Variants in SPAG1 observed in about 807,000 individuals in gnomAD.
SPAG1 encodes sperm associated antigen 1.
In SPAG1, 69 loss-of-function variants were observed where a neutral mutation model predicts 100.5. That is an observed-to-expected ratio of 0.69 (90% CI 0.57 to 0.84). The LOEUF (loss-of-function observed/expected upper bound fraction) is 0.84, where lower values mean the gene tolerates loss of function less well. Ranked by LOEUF, SPAG1 falls within the 40% of genes least tolerant of loss-of-function variation. The pLI, the probability that SPAG1 is intolerant of heterozygous loss-of-function variation, is 0.00. For missense variants in SPAG1, 955 were observed against 1,133.1 expected, an observed-to-expected ratio of 0.84 and a Z score of 2.26; for synonymous variants, 336 against 411.6, an observed-to-expected ratio of 0.82 and a Z score of 2.22.
At chr8:100,182,908 G>A (rs981448089) in intron 4 of SPAG1, among the ~76,000 whole-genome samples, 2 of 151,926 alleles carry the variant, frequency 1.3e-5, no homozygotes, top group African/African-American at 4.8e-5. Flanking sequence ...GTTAATAACT[G>A]TAATACTGAA....
intron 10 of SPAG1, among the ~76,000 whole-genome samples, chr8:100,207,753 AC>A (rs1372911532): frequency 3.3e-5 from 5 of 152,164 alleles, no homozygotes; most frequent in Non-Finnish European, 5.9e-5. Flanking sequence ...ATTGCCTTTG[AC>A]CAAGGCACTC....
In SPAG1 at chr8:100,231,200, G is replaced by C; in HGVS notation, c.1900G>C (p.Val634Leu). ...CCTTAAGGAAGAAGGAAATCAATGT[G>C]TAAATGACAAAAACTATAAAGACGC... ...KALKEEGNQC[V>L]NDKNYKDALS... is the part of the protein sequence containing the mutation. Residue 634 changes from valine (V) to leucine (L), a missense_variant, in exon 15 of 19, where the codon GTA becomes CTA. By Grantham distance (32) the Val-to-Leu change is conservative. Transcript: ENST00000388798. The C allele has an allele frequency of 6.2e-7, 1 of 1,607,666 alleles. No homozygotes were observed. Among genetic ancestry groups the C allele is most frequent in the Non-Finnish European group, 8.5e-7 (1 of 1,175,872 alleles).
chr8:100,162,568 T>C (rs997616348), intron 2 of SPAG1, 148 bp downstream of exon 2: 2 of 628,152 alleles, frequency 3.2e-6, no homozygotes, highest in Middle Eastern at 4.3e-4. Context: ...CTATGGTTAG[T>C]TTGGAGAGTT....
chr8:100,213,840 TA>T lies in SPAG1; in HGVS notation c.1459del (p.Ser487ValfsTer12). ...EPAGSEIADDLSILYSNRAAC... is the reference protein window; with the variant it reads ...EPAGSEIADDXSILYSNRAAC... Reference sequence around the variant, plus strand: ...TTAGGAAGTGAAATTGCAGATGATCTAAGTATCTTATATTCAAATAGAGCAG... The same window carrying T: ...TTAGGAAGTGAAATTGCAGATGATCTAGTATCTTATATTCAAATAGAGCAG... On this transcript the variant is annotated frameshift_variant, in exon 12 of 19. Transcript: ENST00000388798. LOFTEE classifies it high-confidence loss of function. The T allele has an allele frequency of 6.3e-7, 1 of 1,593,472 alleles. No individual in the cohort carries two copies. The highest frequency in any genetic ancestry group is 8.6e-7 in the Non-Finnish European group (1 of 1,164,024).
rs116390717 is a variant in SPAG1, at chr8:100,172,166, G to A, written c.301-5650G>A. On this transcript the variant is annotated intron_variant, in intron 3 of 18. Transcript: ENST00000388798. ...TTGTTGTTTACCTTTTAAATGTTGT[G>A]TGTGGTGTTTTTTATTTTTTTAAAT... 6.5e-3 allele frequency among the ~76,000 whole-genome samples: 995 copies of A among 152,148 alleles called. 6 individuals are homozygous for A. The highest frequency in any genetic ancestry group is 0.023 in the African/African-American group (936 of 41,524).
chr8:100,190,228 G>A (rs1165181592), intron 8 of SPAG1, among the ~76,000 whole-genome samples: 8 of 151,100 alleles, frequency 5.3e-5, no homozygotes, highest in Admixed American at 2.0e-4. Flanking sequence ...CAGGAGAATC[G>A]CTTGAACCCG....
chr8:100,240,593 C>G lies in SPAG1; in HGVS notation c.2471C>G (p.Ala824Gly). The part of the protein sequence containing the change: ...NALSTRKDKE[A>G]CAHLLAITAP... ...CTCAGTACCAGGAAGGATAAAGAAG[C>G]CTGTGCACATCTTTTAGCCATCACT... is the stretch of plus-strand genomic sequence containing the variant. Residue 824 changes from alanine (A) to glycine (G), a missense_variant, in exon 18 of 19, where the codon GCC becomes GGC. Coordinates refer to ENST00000388798, the MANE Select transcript of SPAG1 (RefSeq NM_003114.5). The G allele has an allele frequency of 3.1e-6, 5 of 1,614,074 alleles. No individual in the cohort carries two copies. The highest frequency in any genetic ancestry group is 3.4e-6 in the Non-Finnish European group (4 of 1,179,966).
intron 7 of SPAG1, 21 bp from the exon 8 acceptor site, chr8:100,187,099 C>A: frequency 6.3e-7 from 1 of 1,594,244 alleles, no homozygotes; most frequent in South Asian, 1.1e-5. Context: ...TGCTTGTTGC[C>A]AGTAACTGTT....
In SPAG1 at chr8:100,161,861, T is replaced by A. The variant is rs2453648; in HGVS notation, c.-2-418T>A. Among the ~76,000 whole-genome samples the A allele has an allele frequency of 2.6e-5, 4 of 152,226 alleles. 1 individual carries two copies. Among genetic ancestry groups the A allele is most frequent in the African/African-American group, 4.8e-5 (2 of 41,542 alleles). ...GCACGCTTACACATGGACATATGGC[T>A]TAGAAGGTATATAAGCTCTGGAAAA... On this transcript the variant is annotated intron_variant, in intron 1 of 18. Coordinates refer to ENST00000388798, the MANE Select transcript of SPAG1 (RefSeq NM_003114.5).
At chr8:100,175,882 T>C (rs1816092268) in intron 3 of SPAG1, among the ~76,000 whole-genome samples, 1 of 152,214 alleles carries the variant, frequency 6.6e-6, no homozygotes, top group African/African-American at 2.4e-5. Flanking sequence ...GCAGCTGATA[T>C]CTATCTTTTC....
intron 10 of SPAG1, among the ~76,000 whole-genome samples, chr8:100,205,690 G>T (rs956996295): frequency 6.6e-6 from 1 of 152,066 alleles, no homozygotes; most frequent in African/African-American, 2.4e-5. Flanking sequence ...GGACTGCAGA[G>T]ATTAGTGCCA....
At chr8:100,227,187 T>G (rs1413198033) in intron 14 of SPAG1, among the ~76,000 whole-genome samples, 3 of 152,264 alleles carry the variant, frequency 2.0e-5, no homozygotes, top group Admixed American at 6.5e-5. Context: ...GGCTGTGTAA[T>G]GCAGGTGCTT....
intron 3 of SPAG1, among the ~76,000 whole-genome samples, chr8:100,174,939 T>A (rs1309544532): frequency 6.6e-6 from 1 of 151,774 alleles, no homozygotes; most frequent in African/African-American, 2.4e-5. Context: ...TCTGGACAGT[T>A]TTTTTCTAGC....
chr8:100,240,193 A>G (rs560485857), intron 17 of SPAG1, among the ~76,000 whole-genome samples: 79 of 152,336 alleles, frequency 5.2e-4, no homozygotes, highest in African/African-American at 1.8e-3. Context: ...CATAGTTTCA[A>G]TGTCAAATAA....
rs1817824589 is a variant in SPAG1 at position 100,213,378 on chromosome 8, C to G, written c.1385C>G (p.Ala462Gly). ...GNELFRSGQF[A>G]EAAGKYSAAI... ...GAGCTGTTCCGAAGCGGGCAGTTCG[C>G]CGAGGCGGCCGGCAAGTACTCGGCG... is the stretch of plus-strand genomic sequence containing the variant. Residue 462 changes from alanine (A) to glycine (G), a missense_variant, in exon 11 of 19, where the codon GCC (alanine) becomes GGC (glycine). Transcript: ENST00000388798. 1 of 1,451,300 alleles carries G rather than the reference C, an allele frequency of 6.9e-7. No individual in the cohort carries two copies. Among genetic ancestry groups the G allele is most frequent in the South Asian group, 1.3e-5 (1 of 74,108 alleles). The allele number at this position is 1,451,300 out of a possible 1,614,324, so 89.9% of individuals were successfully genotyped here.
intron 10 of SPAG1, among the ~76,000 whole-genome samples, chr8:100,201,260 G>C (rs1337729611): frequency 6.6e-6 from 1 of 152,034 alleles, no homozygotes; most frequent in Non-Finnish European, 1.5e-5. Flanking sequence ...CTGGACTACA[G>C]GCACATGGCA....
chr8:100,175,754 C>A (rs1563774668), intron 3 of SPAG1, among the ~76,000 whole-genome samples: 2 of 152,152 alleles, frequency 1.3e-5, no homozygotes, highest in African/African-American at 2.4e-5. Flanking sequence ...AAAAGGCAGT[C>A]CCTTAGTGGC....
intron 8 of SPAG1, among the ~76,000 whole-genome samples, chr8:100,188,974 C>A (rs967091504): frequency 3.9e-5 from 6 of 152,152 alleles, no homozygotes; most frequent in African/African-American, 1.4e-4. Flanking sequence ...TTTTGCCAAC[C>A]CCATACCACT....
At chr8:100,191,332 G>A in intron 8 of SPAG1, 58 bp from the exon 9 acceptor site, 1 of 1,215,658 alleles carries the variant, frequency 8.2e-7, no homozygotes, top group African/African-American at 1.5e-5. Flanking sequence ...TGCCAAATAT[G>A]TTGTAACCAT....
Sources: gnomAD v4.1 joint callset for allele counts (sites outside exome capture counted in the v4.1 genomes callset) on GRCh38, gnomAD v4.1.1 for gene constraint, MANE v1.5 for transcripts, NCBI Gene and HGNC (gene_info 2026-07-23, HGNC 2026-07-21) for gene names.